ADGRB3: variants seen among roughly 807,000 people sequenced by gnomAD.
ADGRB3 encodes adhesion G protein-coupled receptor B3.
ADGRB3 carries 37 observed loss-of-function variants against 193.4 expected under a neutral mutation model. That is an observed-to-expected ratio of 0.19 (90% CI 0.15 to 0.25). The LOEUF (loss-of-function observed/expected upper bound fraction) is 0.25, where lower values mean the gene tolerates loss of function less well. Among genes scored for constraint, ADGRB3 ranks in the 10% least tolerant of loss-of-function variants. ADGRB3 has a pLI of 1.00. For synonymous variants in ADGRB3, 690 were observed against 644.2 expected (o/e 1.07, Z -1.08); for missense variants, 1,637 against 1,852.9 (o/e 0.88, Z 2.14).
At chr6:69,366,991 G>A (rs1182633249) in intron 29 of ADGRB3, among the ~76,000 whole-genome samples, 1 of 152,112 alleles carries the variant, frequency 6.6e-6, no homozygotes, top group African/African-American at 2.4e-5. Flanking sequence ...GAATGAAATA[G>A]TGTGCAGTAA....
At chr6:68,912,263 G>A (rs962027087) in intron 3 of ADGRB3, among the ~76,000 whole-genome samples, 4 of 150,966 alleles carry the variant, frequency 2.6e-5, no homozygotes, top group African/African-American at 9.7e-5. Flanking sequence ...TTTTTTCTGT[G>A]CCTCTTCCAG....
intron 20 of ADGRB3, among the ~76,000 whole-genome samples, chr6:69,263,916 C>G (rs76017571): frequency 1.3e-5 from 2 of 151,894 alleles, no homozygotes; most frequent in East Asian, 3.9e-4. Flanking sequence ...TTATTTAACC[C>G]TCAGGTAAAC....
chr6:68,891,103 T>TA (rs1174172341), intron 3 of ADGRB3, among the ~76,000 whole-genome samples: 3 of 152,176 alleles, frequency 2.0e-5, no homozygotes, highest in Non-Finnish European at 4.4e-5. Context: ...AGTCATGTCT[T>TA]ACATGGATGG....
intron 26 of ADGRB3, among the ~76,000 whole-genome samples, chr6:69,353,352 A>G (rs1290296319): frequency 6.6e-6 from 1 of 152,236 alleles, no homozygotes; most frequent in African/African-American, 2.4e-5. Flanking sequence ...AAGTCAGTCC[A>G]CCAGAAGTAG....
chr6:69,083,065 G>T (rs994235207), intron 17 of ADGRB3, among the ~76,000 whole-genome samples: 12 of 152,100 alleles, frequency 7.9e-5, no homozygotes. Context: ...ATATAGTTCA[G>T]AATTTATAGA....
intron 3 of ADGRB3, among the ~76,000 whole-genome samples, chr6:68,666,491 G>A (rs1229703963): frequency 1.3e-5 from 2 of 151,706 alleles, no homozygotes; most frequent in African/African-American, 4.8e-5. Context: ...AATTGTCCTA[G>A]TCCCCTCAGA....
At chr6:68,648,771 G>A (rs1257048804) in intron 3 of ADGRB3, among the ~76,000 whole-genome samples, 1 of 147,006 alleles carries the variant, frequency 6.8e-6, no homozygotes. Flanking sequence ...TCTTTTTAAG[G>A]TGATTTTTAA....
chr6:69,325,444 C>T (rs780947443), intron 21 of ADGRB3, among the ~76,000 whole-genome samples: 3 of 151,572 alleles, frequency 2.0e-5, no homozygotes, highest in Non-Finnish European at 2.9e-5. Context: ...AGAATAAAAG[C>T]GATTCATTTC....
intron 3 of ADGRB3, among the ~76,000 whole-genome samples, chr6:68,785,555 G>T (rs780390747): frequency 6.6e-6 from 1 of 150,764 alleles, no homozygotes; most frequent in African/African-American, 2.5e-5. Flanking sequence ...CCAGTCTATC[G>T]TTGTTGGACA....
rs558837053 is a variant in ADGRB3 at position 69,141,306 on chromosome 6, G to A, written c.2480+65268G>A. Among the ~76,000 whole-genome samples, 64 of 152,152 alleles carry A rather than the reference G, an allele frequency of 4.2e-4. No homozygotes were observed. In the Middle Eastern group the frequency reaches 0.01, roughly 24 times the overall value. Reference sequence around the variant, plus strand: ...GCCCGGCTAATTTTTTGTATTTTTAGTAGTGACGGGGTTTCACCGTGTTAG... The same window carrying A: ...GCCCGGCTAATTTTTTGTATTTTTAATAGTGACGGGGTTTCACCGTGTTAG... On this transcript the variant is annotated intron_variant, in intron 17 of 31. Transcript: ENST00000370598.
At chr6:68,987,010 A>C (rs939349517) in intron 10 of ADGRB3, among the ~76,000 whole-genome samples, 1 of 152,106 alleles carries the variant, frequency 6.6e-6, no homozygotes, top group South Asian at 2.1e-4. Flanking sequence ...CAGAACTCTG[A>C]AGAGCAACTA....
At chr6:69,251,964 T>C (rs1352949498) in intron 20 of ADGRB3, among the ~76,000 whole-genome samples, 1 of 152,164 alleles carries the variant, frequency 6.6e-6, no homozygotes, top group Non-Finnish European at 1.5e-5. Context: ...CATAATATGA[T>C]GAGGTTGGAC....
intron 17 of ADGRB3, among the ~76,000 whole-genome samples, chr6:69,219,493 AC>A (rs1765847286): frequency 7.4e-5 from 10 of 135,946 alleles, no homozygotes; most frequent in Non-Finnish European, 1.5e-4. Flanking sequence ...ATATATATAT[AC>A]GTGTGTGTGT....
At chr6:68,817,628 G>C (rs977754822) in intron 3 of ADGRB3, among the ~76,000 whole-genome samples, 3 of 151,676 alleles carry the variant, frequency 2.0e-5, no homozygotes, top group Admixed American at 6.6e-5. Context: ...TGTAAAAGCA[G>C]TCTTGTAATA....
At chr6:68,649,654 A>G (rs1024716979) in intron 3 of ADGRB3, among the ~76,000 whole-genome samples, 1 of 152,218 alleles carries the variant, frequency 6.6e-6, no homozygotes, top group Admixed American at 6.5e-5. Context: ...AAGACAATCT[A>G]TCTTGGATTT....
intron 3 of ADGRB3, among the ~76,000 whole-genome samples, chr6:68,805,959 A>T (rs1187160137): frequency 2.0e-5 from 3 of 152,242 alleles, no homozygotes; most frequent in African/African-American, 7.2e-5. Flanking sequence ...ATATACAGTC[A>T]TTATAGCATT....
intron 20 of ADGRB3, among the ~76,000 whole-genome samples, chr6:69,315,394 A>G (rs963443753): frequency 6.6e-6 from 1 of 151,576 alleles, no homozygotes; most frequent in African/African-American, 2.4e-5. Context: ...TTTAAGATGC[A>G]GTCAAACATC....
intron 3 of ADGRB3, among the ~76,000 whole-genome samples, chr6:68,833,515 C>G (rs556699909): frequency 7.2e-4 from 94 of 129,862 alleles, no homozygotes; most frequent in African/African-American, 2.4e-3. Flanking sequence ...TTCATATTAT[C>G]AAGCAGTTAA....
chr6:69,352,164 A>G lies in ADGRB3; in HGVS notation c.3460-2069A>G, dbSNP rs566598880. Among the ~76,000 whole-genome samples the G allele has an allele frequency of 5.9e-4, 90 of 152,320 alleles. 1 individual carries two copies. The South Asian group carries it at 0.013, about 23-fold the overall frequency. On this transcript the variant is annotated intron_variant, in intron 26 of 31. Coordinates refer to ENST00000370598, the MANE Select transcript of ADGRB3 (RefSeq NM_001704.3). ...CAAGTGTCTGCATAATAGAAAAAGT[A>G]ATGATCTGACAAAGACTCATTACCA...
Sources: gnomAD v4.1 joint callset for allele counts (sites outside exome capture counted in the v4.1 genomes callset) on GRCh38, gnomAD v4.1.1 for gene constraint, MANE v1.5 for transcripts, NCBI Gene and HGNC (gene_info 2026-07-23, HGNC 2026-07-21) for gene names.